Variants in VPS54 observed in about 807,000 individuals in gnomAD.
VPS54 encodes the protein vacuolar protein sorting-associated protein 54.
A neutral mutation model predicts 121.5 loss-of-function variants in VPS54; 45 were observed. The observed-to-expected ratio is 0.37, with a 90% CI of 0.29 to 0.47. The LOEUF is 0.47. Among genes scored for constraint, VPS54 ranks in the 20% least tolerant of loss-of-function variants. VPS54 has a pLI of 0.99. For synonymous variants in VPS54, 371 were observed against 385.8 expected, an observed-to-expected ratio of 0.96 and a Z score of 0.45; for missense variants, 1,090 against 1,131.4, an observed-to-expected ratio of 0.96 and a Z score of 0.52.
chr2:63,924,351 G>A (rs910868719), intron 12 of VPS54, among the ~76,000 whole-genome samples: 1 of 152,156 alleles, frequency 6.6e-6, no homozygotes, highest in African/African-American at 2.4e-5. Flanking sequence ...TAATAAGTGT[G>A]AATTCTGGAT....
intron 9 of VPS54, among the ~76,000 whole-genome samples, chr2:63,945,827 G>C (rs1575942236): frequency 6.6e-6 from 1 of 152,198 alleles, no homozygotes; most frequent in East Asian, 1.9e-4. Context: ...TGTGATACAT[G>C]CAACAGTTTA....
intron 11 of VPS54, among the ~76,000 whole-genome samples, chr2:63,935,846 A>C (rs1181601679): frequency 1.3e-5 from 2 of 152,234 alleles, no homozygotes; most frequent in Non-Finnish European, 2.9e-5. Flanking sequence ...CTGAAGAAGA[A>C]AAACTCCAGG....
intron 1 of VPS54, among the ~76,000 whole-genome samples, chr2:64,013,455 T>C (rs1408179792): frequency 1.3e-5 from 2 of 151,630 alleles, no homozygotes; most frequent in Non-Finnish European, 2.9e-5. Context: ...AATCCTGCAT[T>C]TGAGGGGGGA....
At chr2:63,933,533 T>C (rs1252444919) in intron 12 of VPS54, 140 bp downstream of exon 12, 7 of 716,128 alleles carry the variant, frequency 9.8e-6, no homozygotes, top group East Asian at 8.2e-5. Context: ...TTTATAGAGA[T>C]ACGTTTCATA....
intron 18 of VPS54, among the ~76,000 whole-genome samples, 197 bp downstream of exon 18, chr2:63,913,026 G>A (rs1031243492): frequency 6.6e-6 from 1 of 152,138 alleles, no homozygotes; most frequent in Middle Eastern, 3.4e-3. Context: ...TACTTGGAGG[G>A]GAAATGCATC....
chr2:63,934,009 G>A lies in VPS54; in HGVS notation c.1403C>T (p.Thr468Ile). The change falls in exon 12 of 23, where the codon ACA becomes ATA. Residue 468 changes from threonine to isoleucine, a missense_variant. Thr to Ile is a moderately conservative substitution (Grantham distance 89). Coordinates refer to ENST00000272322, the MANE Select transcript of VPS54 (RefSeq NM_016516.3). ...FTIFLQRVKA[T>I]LNIIHSVVLS... Reference sequence around the variant, plus strand: ...AACAACACTGTGAATGATATTTAATGTTGCCTACAAGAAAATAGGACACAC... The same window carrying A: ...AACAACACTGTGAATGATATTTAATATTGCCTACAAGAAAATAGGACACAC... 1 of 1,609,578 alleles carries A rather than the reference G, an allele frequency of 6.2e-7. No individual in the cohort carries two copies. The highest frequency in any genetic ancestry group is 8.5e-7 in the Non-Finnish European group (1 of 1,177,444).
intron 7 of VPS54, among the ~76,000 whole-genome samples, chr2:63,960,499 G>C (rs1456920322): frequency 1.3e-5 from 2 of 152,120 alleles, no homozygotes; most frequent in African/African-American, 2.4e-5. Context: ...GAAAGTAAAA[G>C]TAAACTGCAT....
At chr2:64,005,042 T>A (rs1160938259) in intron 1 of VPS54, among the ~76,000 whole-genome samples, 1 of 147,914 alleles carries the variant, frequency 6.8e-6, no homozygotes, top group Non-Finnish European at 1.5e-5. Flanking sequence ...CCTCCCAGAG[T>A]GCTGGTATTA....
chr2:63,982,306 C>A (rs2104615646), intron 2 of VPS54, among the ~76,000 whole-genome samples: 1 of 151,894 alleles, frequency 6.6e-6, no homozygotes. Context: ...ATGGCAGGAT[C>A]TCCTAGATAA....
At chr2:63,930,282 G>A (rs1377621505) in intron 12 of VPS54, among the ~76,000 whole-genome samples, 2 of 152,016 alleles carry the variant, frequency 1.3e-5, no homozygotes, top group African/African-American at 2.4e-5. Context: ...CCGGCAAACC[G>A]AATCCAGCAG....
At chr2:63,910,356 AT>A (rs1009389216) in intron 20 of VPS54, among the ~76,000 whole-genome samples, 2 of 152,148 alleles carry the variant, frequency 1.3e-5, no homozygotes, top group Non-Finnish European at 2.9e-5. Context: ...AATGATATAT[AT>A]TTTTTTAAAT....
chr2:63,900,402 G>T (rs894273410), intron 20 of VPS54, among the ~76,000 whole-genome samples: 10 of 151,974 alleles, frequency 6.6e-5, no homozygotes. Flanking sequence ...TTAAACTTAG[G>T]TAAATTCATT....
At position 63,892,729 on chromosome 2, in the gene VPS54, CTTT is replaced by C. The variant is rs5831671; in HGVS notation, c.*698_*700del. 1.3e-4 allele frequency: 20 copies of C among 151,122 alleles called. No homozygotes were observed. The highest frequency in any genetic ancestry group is 4.4e-4 in the African/African-American group (18 of 41,090). The allele number at this position is 151,122 out of a possible 1,614,324, so 9.4% of individuals were successfully genotyped here. A position where few individuals can be genotyped will look rare whatever the true frequency, so the allele number is the denominator to read the frequency against. On this transcript the variant is annotated 3_prime_UTR_variant, in exon 23 of 23. Transcript: ENST00000272322. Reference sequence around the variant, plus strand: ...TAGTTGCATAAATAGATGCCAGGATCTTTTTTTTTAAGTATTAATTACTTAAAA... The same window carrying C: ...TAGTTGCATAAATAGATGCCAGGATCTTTTTTAAGTATTAATTACTTAAAA...
chr2:63,941,138 G>T (rs1368949577), intron 11 of VPS54, among the ~76,000 whole-genome samples: 1 of 152,304 alleles, frequency 6.6e-6, no homozygotes, highest in East Asian at 1.9e-4. Flanking sequence ...GTTAACACTT[G>T]ATAACTCAAA....
At chr2:64,012,766 A>G (rs1211557963) in intron 1 of VPS54, among the ~76,000 whole-genome samples, 1 of 151,502 alleles carries the variant, frequency 6.6e-6, no homozygotes, top group Non-Finnish European at 1.5e-5. Flanking sequence ...TCCTCCAGCT[A>G]CTACTTCTCA....
intron 1 of VPS54, among the ~76,000 whole-genome samples, chr2:64,000,307 G>A (rs1020441554): frequency 1.3e-5 from 2 of 152,120 alleles, no homozygotes; most frequent in Non-Finnish European, 2.9e-5. Flanking sequence ...GTGTTATCTT[G>A]AATTTCTCTG....
At chr2:63,988,660 C>T (rs1677168168) in intron 1 of VPS54, among the ~76,000 whole-genome samples, 2 of 152,138 alleles carry the variant, frequency 1.3e-5, no homozygotes, top group South Asian at 2.1e-4. Context: ...ATTTCCTATG[C>T]CTGTCTTTAT....
chr2:63,955,483 A>C lies in VPS54; in HGVS notation c.1011-6320T>G, dbSNP rs531257043. ...GTACCTACTGATATTTGGGCATCAA[A>C]ATAATAAAACTTTCCCTCATTTCGG... is the stretch of plus-strand genomic sequence containing the variant. On this transcript the variant is annotated intron_variant, in intron 7 of 22. Coordinates refer to ENST00000272322, the MANE Select transcript of VPS54 (RefSeq NM_016516.3). Among the ~76,000 whole-genome samples, 8 of 152,178 alleles carry C rather than the reference A, an allele frequency of 5.3e-5. No homozygotes were observed. In the East Asian group the frequency reaches 1.3e-3, roughly 26 times the overall value.
At chr2:63,899,705 TAC>T in intron 20 of VPS54, 124 bp from the exon 21 acceptor site, 1 of 742,096 alleles carries the variant, frequency 1.3e-6, no homozygotes, top group South Asian at 1.9e-5. Flanking sequence ...TACTTAAGCT[TAC>T]ACTTTTCAAC....
Sources: allele counts gnomAD v4.1 joint callset (sites outside exome capture counted in the v4.1 genomes callset), GRCh38; gene constraint gnomAD v4.1.1; transcripts MANE v1.5; gene names NCBI Gene and HGNC (gene_info 2026-07-23, HGNC 2026-07-21).